Variants in DENND4C observed in about 807,000 individuals in gnomAD.
DENND4C encodes DENN domain containing 4C, also known as DENN domain-containing protein 4C.
A neutral mutation model predicts 203.0 loss-of-function variants in DENND4C; 108 were observed. That is an observed-to-expected ratio of 0.53 (90% CI 0.46 to 0.62). The LOEUF is 0.62. Ranked by LOEUF, DENND4C falls within the 20% of genes least tolerant of loss-of-function variation. The pLI is 0.00. For synonymous variants in DENND4C, 871 were observed against 792.4 expected (o/e 1.10, Z -1.67); for missense variants, 2,481 against 2,301.2 (o/e 1.08, Z -1.60).
Position 19,350,801 on chromosome 9 carries a change from A to G in DENND4C, c.4417A>G (p.Ser1473Gly). The G allele has an allele frequency of 1.9e-6, 3 of 1,614,146 alleles. No homozygotes were observed. Among genetic ancestry groups the G allele is most frequent in the South Asian group, 2.2e-5 (2 of 91,076 alleles). ...CACAAGTATCTCAGGGTTGGTCCCC[A>G]GTGAACTTACCCAGAGCAACACAAG... ...PNTSISGLVP[S>G]ELTQSNTSLG... Residue 1473 changes from serine to glycine, a missense_variant, in exon 24 of 33, where the codon AGT becomes GGT. Ser to Gly is a moderately conservative substitution (Grantham distance 56, BLOSUM62 0). This residue lies in a region of DENND4C where 2,289 missense variants were observed against 2,113.3 expected (regional missense o/e 1.08). Coordinates refer to ENST00000434457, the MANE Select transcript of DENND4C (RefSeq NM_001330640.2).
intron 1 of DENND4C, among the ~76,000 whole-genome samples, chr9:19,249,147 A>G (rs972021251): frequency 3.3e-5 from 5 of 151,910 alleles, no homozygotes; most frequent in African/African-American, 7.3e-5. Context: ...CAACCGTAAT[A>G]TAAGCTCCAT....
At chr9:19,331,288 C>T (rs1563810960) in intron 16 of DENND4C, among the ~76,000 whole-genome samples, 2 of 151,504 alleles carry the variant, frequency 1.3e-5, no homozygotes, top group Non-Finnish European at 2.9e-5. Context: ...CTGCAACTTC[C>T]CACTCCCTGG....
rs546996483 is a variant in DENND4C at position 19,248,276 on chromosome 9, A to G, written c.-18+17443A>G. 9.8e-5 allele frequency among the ~76,000 whole-genome samples: 15 copies of G among 152,316 alleles called. No individual in the cohort carries two copies. The South Asian group carries it at 2.9e-3, about 29-fold the overall frequency. ...CTGTTCCTCAAAGACCAAGTTACTT[A>G]CTGCTTTAAGGCTTTTATTAATTGA... On this transcript the variant is annotated intron_variant, in intron 1 of 32. Transcript: ENST00000434457.
intron 13 of DENND4C, among the ~76,000 whole-genome samples, chr9:19,325,235 A>G (rs1177672037): frequency 2.0e-5 from 3 of 151,944 alleles, no homozygotes; most frequent in Admixed American, 6.6e-5. Flanking sequence ...TTTGCCTAAT[A>G]TGTTTCTTTT....
At position 19,352,804 on chromosome 9, in the gene DENND4C, C is replaced by G. The variant is rs2132089797; in HGVS notation, c.4781+139C>G. The G allele has an allele frequency of 1.1e-5, 6 of 558,686 alleles. No homozygotes were observed. In the South Asian group the frequency reaches 1.7e-4, roughly 15 times the overall value. 34.6% of individuals were successfully genotyped at this position (558,686 alleles called of 1,614,324 possible). On this transcript the variant is annotated intron_variant, in intron 26 of 32. Transcript: ENST00000434457. ...ACCTTCAGTATTTGAGTAGCAAATACTAGTAATGTGGGAGTCTACTTTTCC... is the reference window on the plus strand; with the variant it reads ...ACCTTCAGTATTTGAGTAGCAAATAGTAGTAATGTGGGAGTCTACTTTTCC...
chr9:19,372,954 A>G lies in DENND4C; in HGVS notation c.*781A>G, dbSNP rs1185223915. 6.6e-6 allele frequency: 1 copy of G among 152,010 alleles called. No homozygotes were observed. The highest frequency in any genetic ancestry group is 1.5e-5 in the Non-Finnish European group (1 of 68,002). The allele number at this position is 152,010 out of a possible 1,614,324, so 9.4% of individuals were successfully genotyped here. On this transcript the variant is annotated 3_prime_UTR_variant, in exon 33 of 33. Transcript: ENST00000434457. ...TATGTGTATATACAGCCATATTCTA[A>G]GTGTATATTTATTAAAATAGATTGC...
At chr9:19,249,771 C>A (rs1439742795) in intron 1 of DENND4C, among the ~76,000 whole-genome samples, 1 of 152,162 alleles carries the variant, frequency 6.6e-6, no homozygotes, top group African/African-American at 2.4e-5. Flanking sequence ...AATCCTCTTG[C>A]CTCAGCCTCC....
At chr9:19,316,325 C>T in intron 10 of DENND4C, 92 bp from the exon 11 acceptor site, 1 of 945,028 alleles carries the variant, frequency 1.1e-6, no homozygotes, top group Non-Finnish European at 1.6e-6. Context: ...AACATCTTTT[C>T]CATTTTCTTG....
At chr9:19,345,782 C>T (rs1822754282) in intron 22 of DENND4C, 139 bp from the exon 23 acceptor site, 1 of 798,450 alleles carries the variant, frequency 1.3e-6, no homozygotes. Context: ...TTTTTTTATA[C>T]TTTCTTTATG....
At chr9:19,357,416 T>C in intron 27 of DENND4C, 1 of 368,164 alleles carries the variant, frequency 2.7e-6, no homozygotes, top group Non-Finnish European at 4.9e-6. Context: ...AATATAGTCA[T>C]TGCCAGTTTC....
rs1554634096 is a variant in DENND4C at position 19,319,379 on chromosome 9, T to TACATATATATATACATATATATACAC, written c.1807+2563_1807+2564insCACACATATATATATACATATATATA. ...ATATATACACACATATATATACACA[T>TACATATATATATACATATATATACAC]ACATATATATATACATATATATATA... On this transcript the variant is annotated intron_variant, in intron 12 of 32. Coordinates refer to ENST00000434457, the MANE Select transcript of DENND4C (RefSeq NM_001330640.2). 1.2e-3 allele frequency among the ~76,000 whole-genome samples: 131 copies of TACATATATATATACATATATATACAC among 105,824 alleles called. 1 individual carries two copies. Among genetic ancestry groups the TACATATATATATACATATATATACAC allele is most frequent in the African/African-American group, 1.8e-3 (40 of 22,548 alleles). The allele number at this position is 105,824 out of a possible 152,430, so 69.4% of individuals were successfully genotyped here. A position where few individuals can be genotyped will look rare whatever the true frequency, so the allele number is the denominator to read the frequency against.
intron 30 of DENND4C, 47 bp downstream of exon 30, chr9:19,362,010 G>A (rs993396266): frequency 4.9e-6 from 6 of 1,213,668 alleles, no homozygotes; most frequent in Admixed American, 1.8e-5. Context: ...GCAGTGGCTC[G>A]CACCTGTAAT....
At chr9:19,369,578 G>A (rs1346375634) in intron 30 of DENND4C, among the ~76,000 whole-genome samples, 3 of 151,850 alleles carry the variant, frequency 2.0e-5, no homozygotes, top group Non-Finnish European at 2.9e-5. Flanking sequence ...ACCAACCTGG[G>A]CAACCTGGTG....
In DENND4C at chr9:19,300,157, A is replaced by T. The variant is rs370913454; in HGVS notation, c.1167-30A>T. 5 of 1,571,030 alleles carry T rather than the reference A, an allele frequency of 3.2e-6. No homozygotes were observed. In the African/African-American group the frequency reaches 4.0e-5, roughly 13 times the overall value. Reference sequence around the variant, plus strand: ...ACATATTTCAGCAAAATAGTTCACAATGATCTACTTTTCTCTTTTTTTTCC... The same window carrying T: ...ACATATTTCAGCAAAATAGTTCACATTGATCTACTTTTCTCTTTTTTTTCC... On this transcript the variant is annotated intron_variant, in intron 8 of 32. Transcript: ENST00000434457.
chr9:19,239,631 C>T (rs35371920), intron 1 of DENND4C, among the ~76,000 whole-genome samples: 30,178 of 151,942 alleles, frequency 0.2, 3,064 homozygotes, highest in Admixed American at 0.22. Context: ...GGATTACAAG[C>T]GCACACCACC....
intron 31 of DENND4C, among the ~76,000 whole-genome samples, chr9:19,370,635 G>T (rs1196158466): frequency 6.6e-6 from 1 of 152,106 alleles, no homozygotes; most frequent in Non-Finnish European, 1.5e-5. Context: ...CTTTTCTTTT[G>T]TTGGACATAA....
At chr9:19,356,824 T>TGAGAGA in intron 26 of DENND4C, 148 bp from the exon 27 acceptor site, 1 of 580,416 alleles carries the variant, frequency 1.7e-6, no homozygotes, top group South Asian at 2.3e-5. Flanking sequence ...AGAGTGAGAG[T>TGAGAGA]GTATTGGAAA....
At chr9:19,347,543 T>G (rs911801434) in intron 23 of DENND4C, among the ~76,000 whole-genome samples, 12 of 152,212 alleles carry the variant, frequency 7.9e-5, no homozygotes, top group African/African-American at 2.4e-4. Flanking sequence ...TATATCTTTT[T>G]AAAAATATGT....
In DENND4C at chr9:19,373,736, T is replaced by C. The variant is rs546405384; in HGVS notation, c.*1563T>C. Among the ~76,000 whole-genome samples the C allele has an allele frequency of 1.6e-4, 25 of 152,130 alleles. No homozygotes were observed. Among genetic ancestry groups the C allele is most frequent in the Non-Finnish European group, 3.1e-4 (21 of 67,954 alleles). On this transcript the variant is annotated 3_prime_UTR_variant, in exon 33 of 33. Coordinates refer to ENST00000434457, the MANE Select transcript of DENND4C (RefSeq NM_001330640.2). ...GCATGGTTTAAAAAGCCATTGGTTT[T>C]GTGTGTGTTTACAGTAATTATGCAG...
Sources: gnomAD v4.1 joint callset for allele counts (sites outside exome capture counted in the v4.1 genomes callset) on GRCh38, gnomAD v4.1.1 for gene constraint, gnomAD v4.1.1 regional missense constraint, MANE v1.5 for transcripts, NCBI Gene and HGNC (gene_info 2026-07-23, HGNC 2026-07-21) for gene names.